Variants in ATP11A observed in about 807,000 individuals in gnomAD.
The protein encoded by ATP11A is ATPase phospholipid transporting 11A.
Under a neutral mutation model 154.4 loss-of-function variants are expected in ATP11A, and 81 were observed. The observed-to-expected ratio is 0.52, with a 90% CI of 0.44 to 0.63. The LOEUF is 0.63. Ranked by LOEUF, ATP11A falls within the 30% of genes least tolerant of loss-of-function variation. The pLI is 0.00. For synonymous variants in ATP11A, 623 were observed against 585.9 expected (o/e 1.06, Z -0.91); for missense variants, 1,316 against 1,474.3 (o/e 0.89, Z 1.76).
In ATP11A at chr13:112,743,735, T is replaced by C. The variant is rs1891808295; in HGVS notation, c.40-41400T>C. 2.6e-5 allele frequency among the ~76,000 whole-genome samples: 4 copies of C among 152,378 alleles called. No homozygotes were observed. The South Asian group carries it at 8.3e-4, about 32-fold the overall frequency. ...ATGTAGGTTCCTTTGAGCTCAGGAA[T>C]GTAACACAGTAAGCTTAAGGTAACC... On this transcript the variant is annotated intron_variant, in intron 1 of 29. Transcript: ENST00000375645.
chr13:112,753,187 T>C lies in ATP11A; in HGVS notation c.40-31948T>C, dbSNP rs1252065026. 3.9e-5 allele frequency among the ~76,000 whole-genome samples: 6 copies of C among 152,170 alleles called. No individual in the cohort carries two copies. The highest frequency in any genetic ancestry group is 7.4e-5 in the Non-Finnish European group (5 of 68,022). On this transcript the variant is annotated intron_variant, in intron 1 of 29. Transcript: ENST00000375645. The surrounding 1 kb of genome is among the most constrained non-coding windows in gnomAD (Gnocchi z 4.1). The stretch of plus-strand genomic sequence containing the variant: ...CTGCGTGTTATGTGGATGGCGTGCA[T>C]GTGTCTGCACAGCTGCGTGATGTTC...
intron 25 of ATP11A, among the ~76,000 whole-genome samples, chr13:112,864,736 C>T (rs1221404261): frequency 1.5e-5 from 1 of 65,718 alleles, no homozygotes; most frequent in Non-Finnish European, 2.5e-5. Flanking sequence ...GTGCAGCTTC[C>T]CAGCGGGGTC....
chr13:112,792,934 C>A (rs541354094), intron 2 of ATP11A, among the ~76,000 whole-genome samples: 29 of 152,358 alleles, frequency 1.9e-4, no homozygotes, highest in African/African-American at 7.0e-4. Context: ...AAAGTTGAAT[C>A]CTTCTGGTAA....
chr13:112,782,452 TATATTC>T (rs2140013969), intron 1 of ATP11A, among the ~76,000 whole-genome samples: 1 of 152,394 alleles, frequency 6.6e-6, no homozygotes, highest in East Asian at 1.9e-4. Flanking sequence ...CTGGTTCACT[TATATTC>T]TTATTCAGTG....
chr13:112,840,454 TC>T (rs568226725), intron 16 of ATP11A, among the ~76,000 whole-genome samples: 3 of 8,274 alleles, frequency 3.6e-4, no homozygotes, highest in African/African-American at 5.3e-4. Context: ...CATTCTCTCA[TC>T]CCCCCCCAGC....
At position 112,781,784 on chromosome 13, in the gene ATP11A, CAA is replaced by C. The variant is rs748401969; in HGVS notation, c.40-3333_40-3332del. On this transcript the variant is annotated intron_variant, in intron 1 of 29. Coordinates refer to ENST00000375645, the MANE Select transcript of ATP11A (RefSeq NM_015205.3). ...TCTTAATAAACTTGCTTTCACTTTG[CAA>C]AAAAAAAAAAAAAAAAAGAATTTGA... Among the ~76,000 whole-genome samples, 911 of 101,300 alleles carry C rather than the reference CAA, an allele frequency of 9.0e-3. 4 individuals carry two copies. Among genetic ancestry groups the C allele is most frequent in the African/African-American group, 0.024 (681 of 28,838 alleles). The allele number at this position is 101,300 out of a possible 152,430, so 66.5% of individuals were successfully genotyped here.
chr13:112,834,008 G>T (rs1449157026), intron 14 of ATP11A, among the ~76,000 whole-genome samples: 1 of 152,204 alleles, frequency 6.6e-6, no homozygotes, highest in Non-Finnish European at 1.5e-5. Flanking sequence ...CTGGCCTCTC[G>T]CATCCCAAAG....
At chr13:112,778,455 T>C (rs146948171) in intron 1 of ATP11A, among the ~76,000 whole-genome samples, 6 of 152,376 alleles carry the variant, frequency 3.9e-5, no homozygotes, top group Non-Finnish European at 8.8e-5. Flanking sequence ...TTGAGGTAAT[T>C]TGGGGCATGG....
At position 112,838,518 on chromosome 13, in the gene ATP11A, C is replaced by T. The variant is rs554916340; in HGVS notation, c.1705+2267C>T. Among the ~76,000 whole-genome samples, 128 of 152,384 alleles carry T rather than the reference C, an allele frequency of 8.4e-4. No individual in the cohort carries two copies. The highest frequency in any genetic ancestry group is 1.5e-3 in the Non-Finnish European group (105 of 68,046). ...CGGAGCCGCCCCTGCCGCGCACTCACCCCGGAGCTGGCCCTGCCACACGCT... is the reference window on the plus strand; with the variant it reads ...CGGAGCCGCCCCTGCCGCGCACTCATCCCGGAGCTGGCCCTGCCACACGCT... On this transcript the variant is annotated intron_variant, in intron 16 of 29. Coordinates refer to ENST00000375645, the MANE Select transcript of ATP11A (RefSeq NM_015205.3). This position sits in a 1 kb window ranked among gnomAD's most constrained non-coding sequence, Gnocchi z 7.3.
rs552668077 is a variant in ATP11A at position 112,848,066 on chromosome 13, G to A, written c.1810-2971G>A. On this transcript the variant is annotated intron_variant, in intron 17 of 29. Transcript: ENST00000375645. ...TGATGGCACCACTGCATGTTTCCAC[G>A]GGCAACTGAGTAAGACCCTGTCTCA... 2.6e-5 allele frequency among the ~76,000 whole-genome samples: 4 copies of A among 152,262 alleles called. No individual in the cohort carries two copies. The East Asian group carries it at 5.8e-4, about 22-fold the overall frequency.
chr13:112,808,782 C>G (rs2078401257), intron 4 of ATP11A, among the ~76,000 whole-genome samples: 1 of 152,184 alleles, frequency 6.6e-6, no homozygotes, highest in African/African-American at 2.4e-5. Flanking sequence ...TCGCCCAGGT[C>G]CTGCCAGAGC....
At position 112,831,829 on chromosome 13, in the gene ATP11A, TCACATGCAAA is replaced by T. The variant is rs2079094456; in HGVS notation, c.1395+290_1395+299del. The stretch of plus-strand genomic sequence containing the variant: ...CACACGGACACACATGCACACACGC[TCACATGCAAA>T]CACATGCACTCACACACGCCCAGAT... On this transcript the variant is annotated intron_variant, in intron 13 of 29. Transcript: ENST00000375645. Among the ~76,000 whole-genome samples, 4 of 151,756 alleles carry T rather than the reference TCACATGCAAA, an allele frequency of 2.6e-5. No individual in the cohort carries two copies. In the South Asian group the frequency reaches 8.4e-4, roughly 32 times the overall value.
intron 1 of ATP11A, among the ~76,000 whole-genome samples, chr13:112,696,000 C>T (rs1885752949): frequency 6.6e-6 from 1 of 152,194 alleles, no homozygotes; most frequent in African/African-American, 2.4e-5. Context: ...TGGTACATCC[C>T]AGAGGTGCCG....
At chr13:112,825,378 G>A in intron 10 of ATP11A, 52 bp from the exon 11 acceptor site, 1 of 1,545,608 alleles carries the variant, frequency 6.5e-7, no homozygotes, top group Non-Finnish European at 8.7e-7. Flanking sequence ...AGAAGGAAGT[G>A]CAGAGCTCAT....
intron 28 of ATP11A, among the ~76,000 whole-genome samples, chr13:112,877,790 G>A (rs1566607516): frequency 6.6e-6 from 1 of 152,206 alleles, no homozygotes; most frequent in Non-Finnish European, 1.5e-5. Context: ...GCTGCCGAGG[G>A]CCACGCCCCC....
intron 6 of ATP11A, among the ~76,000 whole-genome samples, chr13:112,817,068 A>G (rs1016757641): frequency 6.6e-6 from 1 of 152,240 alleles, no homozygotes; most frequent in Non-Finnish European, 1.5e-5. Flanking sequence ...CAGGCAGTTG[A>G]TGCTACAAGA....
intron 15 of ATP11A, among the ~76,000 whole-genome samples, chr13:112,835,242 C>CT (rs1438502529): frequency 6.6e-6 from 1 of 152,232 alleles, no homozygotes; most frequent in Admixed American, 6.5e-5. Flanking sequence ...AGTGACCCAT[C>CT]TTGAGATCTG....
Position 112,824,375 on chromosome 13 carries a change from G to A in ATP11A, c.822G>A (p.Lys274=). 1 of 1,614,210 alleles carries A rather than the reference G, an allele frequency of 6.2e-7. No homozygotes were observed. Among genetic ancestry groups the A allele is most frequent in the Non-Finnish European group, 8.5e-7 (1 of 1,180,034 alleles). ...GVAIYTGMET[K]MALNYQSKSQ... ...CTATTTACACGGGAATGGAAACCAAGATGGCATTAAATTATCAATCAAAAT... is the reference window on the plus strand; with the variant it reads ...CTATTTACACGGGAATGGAAACCAAAATGGCATTAAATTATCAATCAAAAT... The change falls in exon 10 of 30, where the codon AAG becomes AAA. Residue 274 remains lysine (K), a synonymous_variant. Transcript: ENST00000375645.
rs1401591410 is a variant in ATP11A at position 112,885,546 on chromosome 13, ACAC to A, written c.*3684_*3686del. 1 of 152,246 alleles carries A rather than the reference ACAC, an allele frequency of 6.6e-6. No individual in the cohort carries two copies. The highest frequency in any genetic ancestry group is 2.4e-5 in the African/African-American group (1 of 41,442). 9.4% of individuals were successfully genotyped at this position (152,246 alleles called of 1,614,324 possible). On this transcript the variant is annotated 3_prime_UTR_variant, in exon 30 of 30. Transcript: ENST00000375645. ...CTCCTACACACATGCACACACGTGT[ACAC>A]CACAAACGAGCTCCCAGACATGTAA...
Sources: allele counts gnomAD v4.1 joint callset (sites outside exome capture counted in the v4.1 genomes callset), GRCh38; gene constraint gnomAD v4.1.1; non-coding constraint Gnocchi (gnomAD v3.1); transcripts MANE v1.5; gene names NCBI Gene and HGNC (gene_info 2026-07-23, HGNC 2026-07-21).